The following FAM227B variants were observed in gnomAD, a reference collection of about 807,000 sequenced individuals.
FAM227B encodes protein FAM227B.
Under a neutral mutation model 73.8 loss-of-function variants are expected in FAM227B, and 88 were observed. The ratio of observed to expected loss-of-function variants is 1.19; its 90% CI spans 1.00 to 1.42. The LOEUF is 1.42. Ranked by LOEUF, FAM227B falls within the 40% of genes most tolerant of loss-of-function variation. The pLI, the probability that FAM227B is intolerant of heterozygous loss-of-function variation, is 0.00. For missense variants in FAM227B, 632 were observed against 590.9 expected (o/e 1.07, Z -0.72); for synonymous variants, 210 against 190.5 (o/e 1.10, Z -0.84).
chr15:49,371,355 A>G lies in FAM227B; in HGVS notation c.1057T>C (p.Tyr353His). ...TCTTCCTTGGATATGGGCAACGTAT[A>G]TGCTCTTGGGTTGTTCAGAATCTTT... ...IIKILNNPRAYTLPISKEESR... is the reference protein window; with the variant it reads ...IIKILNNPRAHTLPISKEESR... The change falls in exon 12 of 16, where the codon TAT becomes CAT. Residue 353 changes from tyrosine (Y) to histidine (H), a missense_variant. Transcript: ENST00000299338. The G allele has an allele frequency of 6.2e-7, 1 of 1,604,696 alleles. No individual in the cohort carries two copies. The highest frequency in any genetic ancestry group is 8.5e-7 in the Non-Finnish European group (1 of 1,173,248).
At position 49,365,720 on chromosome 15, in the gene FAM227B, T is replaced by C. The variant is rs2045041416; in HGVS notation, c.1271+1728A>G. 2.5e-5 allele frequency: 22 copies of C among 893,972 alleles called. No individual in the cohort carries two copies. The South Asian group carries it at 2.7e-4, about 11-fold the overall frequency. 55.4% of individuals were successfully genotyped at this position (893,972 alleles called of 1,614,324 possible). Reference sequence around the variant, plus strand: ...TTAATTAAATTCAGACAGAAAGCAATCTCCAAGATATCTTGTAAAATCCAA... The same window carrying C: ...TTAATTAAATTCAGACAGAAAGCAACCTCCAAGATATCTTGTAAAATCCAA... On this transcript the variant is annotated intron_variant, in intron 13 of 15. Coordinates refer to ENST00000299338, the MANE Select transcript of FAM227B (RefSeq NM_152647.3).
At chr15:49,562,050 C>T (rs1567584841) in intron 9 of FAM227B, among the ~76,000 whole-genome samples, 1 of 151,776 alleles carries the variant, frequency 6.6e-6, no homozygotes, top group Non-Finnish European at 1.5e-5. Flanking sequence ...AAGGATCATC[C>T]AAGCCAAAAG....
chr15:49,399,587 G>C (rs879502376), intron 11 of FAM227B, among the ~76,000 whole-genome samples: 18 of 149,636 alleles, frequency 1.2e-4, no homozygotes, highest in Non-Finnish European at 1.8e-4. Flanking sequence ...GAACATTGAT[G>C]CAAAAATCCT....
intron 11 of FAM227B, among the ~76,000 whole-genome samples, chr15:49,480,266 T>A (rs1458748376): frequency 6.6e-6 from 1 of 152,110 alleles, no homozygotes; most frequent in East Asian, 1.9e-4. Flanking sequence ...CCCTAATATG[T>A]GGAGGGATAA....
intron 10 of FAM227B, among the ~76,000 whole-genome samples, chr15:49,509,022 A>T (rs62010014): frequency 0.32 from 49,337 of 151,950 alleles, 8,739 homozygotes; most frequent in African/African-American, 0.45. Context: ...ACTGTGGGGG[A>T]GAGTCTTTAT....
At chr15:49,561,034 T>C (rs1157946110) in intron 9 of FAM227B, among the ~76,000 whole-genome samples, 1 of 152,166 alleles carries the variant, frequency 6.6e-6, no homozygotes, top group Non-Finnish European at 1.5e-5. Context: ...TATCAATACT[T>C]ACTTTGAACG....
At chr15:49,519,382 C>G (rs1289791552) in intron 10 of FAM227B, among the ~76,000 whole-genome samples, 1 of 152,190 alleles carries the variant, frequency 6.6e-6, no homozygotes, top group African/African-American at 2.4e-5. Flanking sequence ...TATGTGGGGA[C>G]TCTCACCCCA....
Position 49,493,870 on chromosome 15 carries a change from G to GTA in FAM227B, c.1012+14340_1012+14341insTA, listed in dbSNP as rs748234040. Reference sequence around the variant, plus strand: ...TAAAGGGGTCTGTGTATGTATGTATGTGTATATATATATATATATGTGTGT... The same window carrying GTA: ...TAAAGGGGTCTGTGTATGTATGTATGTATGTATATATATATATATATGTGTGT... On this transcript the variant is annotated intron_variant, in intron 11 of 15. Transcript: ENST00000299338. 3.1e-3 allele frequency among the ~76,000 whole-genome samples: 189 copies of GTA among 61,258 alleles called. 3 individuals are homozygous for GTA. In the East Asian group the frequency reaches 0.074, roughly 24 times the overall value. 40.2% of individuals were successfully genotyped at this position (61,258 alleles called of 152,430 possible). A position where few individuals can be genotyped will look rare whatever the true frequency, so the allele number is the denominator to read the frequency against.
At chr15:49,519,447 C>A (rs1270038707) in intron 10 of FAM227B, among the ~76,000 whole-genome samples, 1 of 152,226 alleles carries the variant, frequency 6.6e-6, no homozygotes, top group Non-Finnish European at 1.5e-5. Context: ...TCCACCCCTG[C>A]AGCACACCTC....
chr15:49,351,620 A>G (rs1447731004), intron 13 of FAM227B, among the ~76,000 whole-genome samples: 1 of 152,240 alleles, frequency 6.6e-6, no homozygotes, highest in African/African-American at 2.4e-5. Context: ...GCGGACCTAA[A>G]GACAAAGATC....
At position 49,582,949 on chromosome 15, in the gene FAM227B, A is replaced by G. The variant is rs140724074; in HGVS notation, c.405+5067T>C. 1.7e-4 allele frequency among the ~76,000 whole-genome samples: 26 copies of G among 152,320 alleles called. 2 individuals are homozygous for G. In the East Asian group the frequency reaches 5.0e-3, roughly 29 times the overall value. On this transcript the variant is annotated intron_variant, in intron 5 of 15. Coordinates refer to ENST00000299338, the MANE Select transcript of FAM227B (RefSeq NM_152647.3). Reference sequence around the variant, plus strand: ...ACTGATGAGAACAAAGGTATAACACACCAGAATCTCTGGGACACAGCTAAG... The same window carrying G: ...ACTGATGAGAACAAAGGTATAACACGCCAGAATCTCTGGGACACAGCTAAG...
intron 11 of FAM227B, among the ~76,000 whole-genome samples, chr15:49,467,207 T>C (rs1342572486): frequency 6.6e-6 from 1 of 152,166 alleles, no homozygotes; most frequent in Non-Finnish European, 1.5e-5. Flanking sequence ...CTGAATTAGA[T>C]AAAGTGTAGC....
intron 10 of FAM227B, among the ~76,000 whole-genome samples, chr15:49,528,796 G>A (rs1051143457): frequency 5.3e-5 from 8 of 151,812 alleles, no homozygotes; most frequent in African/African-American, 1.9e-4. Context: ...AAACCAATCA[G>A]AATGGCTATT....
intron 10 of FAM227B, among the ~76,000 whole-genome samples, chr15:49,540,801 G>C (rs1308248242): frequency 6.6e-6 from 1 of 152,048 alleles, no homozygotes; most frequent in Non-Finnish European, 1.5e-5. Flanking sequence ...TAGTATCTTT[G>C]TTTGAATGCA....
chr15:49,590,511 A>G (rs2076459811), intron 3 of FAM227B, among the ~76,000 whole-genome samples: 1 of 152,194 alleles, frequency 6.6e-6, no homozygotes, highest in Non-Finnish European at 1.5e-5. Context: ...ATTAGAAGAG[A>G]TAATTTTAAC....
intron 13 of FAM227B, among the ~76,000 whole-genome samples, chr15:49,349,850 G>A (rs917000997): frequency 6.6e-6 from 1 of 151,646 alleles, no homozygotes; most frequent in Admixed American, 6.6e-5. Flanking sequence ...AAGCAAAAAC[G>A]ATAAAAAACA....
intron 9 of FAM227B, among the ~76,000 whole-genome samples, chr15:49,550,391 C>A (rs1232264320): frequency 6.6e-6 from 1 of 151,656 alleles, no homozygotes; most frequent in African/African-American, 2.4e-5. Flanking sequence ...GGCTGACCCC[C>A]ACCTCCCTCC....
At chr15:49,546,612 C>T (rs910315742) in intron 9 of FAM227B, among the ~76,000 whole-genome samples, 1 of 152,212 alleles carries the variant, frequency 6.6e-6, no homozygotes, top group Admixed American at 6.5e-5. Flanking sequence ...ACATCTTCTC[C>T]AGCACCTGTT....
At chr15:49,478,653 T>C (rs1004635437) in intron 11 of FAM227B, among the ~76,000 whole-genome samples, 2 of 152,146 alleles carry the variant, frequency 1.3e-5, no homozygotes, top group Admixed American at 6.5e-5. Flanking sequence ...ATCAAACCAC[T>C]GCCTCCACTT....
Sources: allele counts gnomAD v4.1 joint callset (sites outside exome capture counted in the v4.1 genomes callset), GRCh38; gene constraint gnomAD v4.1.1; transcripts MANE v1.5; gene names NCBI Gene and HGNC (gene_info 2026-07-23, HGNC 2026-07-21).